AMMECR1: variants seen among roughly 807,000 people sequenced by gnomAD.
The protein encoded by AMMECR1 is nuclear protein AMMECR1.
Under a neutral mutation model 22.5 loss-of-function variants are expected in AMMECR1, and 3 were observed. The ratio of observed to expected loss-of-function variants is 0.13; its 90% CI spans 0.06 to 0.35. The LOEUF (loss-of-function observed/expected upper bound fraction) is 0.35, where lower values mean the gene tolerates loss of function less well. AMMECR1 is among the 10% of genes least tolerant of loss of function. The pLI is 1.00. For synonymous variants in AMMECR1, 130 were observed against 116.7 expected (o/e 1.11, Z -0.74); for missense variants, 235 against 278.7 (o/e 0.84, Z 1.12).
chrX:110,436,275 G>A (rs780212032), intron 1 of AMMECR1, among the ~76,000 whole-genome samples: 2 of 111,151 alleles, frequency 1.8e-5, no homozygotes, highest in South Asian at 3.9e-4. Context: ...TTCATTATGC[G>A]ACCCAGCTGT....
intron 2 of AMMECR1, among the ~76,000 whole-genome samples, chrX:110,245,739 C>A (rs762361876): frequency 5.4e-4 from 59 of 110,018 alleles, no homozygotes; most frequent in African/African-American, 1.9e-3. Flanking sequence ...TAATAAATGG[C>A]AGGATGTGAA....
chrX:110,363,981 T>C (rs2068280678), intron 2 of AMMECR1, among the ~76,000 whole-genome samples: 1 of 112,124 alleles, frequency 8.9e-6, no homozygotes, highest in South Asian at 3.7e-4. Context: ...TTTCTGTGAC[T>C]ACCATAACAA....
intron 3 of AMMECR1, 55 bp from the exon 4 acceptor site, chrX:110,202,591 A>C: frequency 1.2e-6 from 1 of 800,415 alleles, no homozygotes. Flanking sequence ...ATCAGAAAGA[A>C]AAGGTTATAA....
intron 2 of AMMECR1, among the ~76,000 whole-genome samples, chrX:110,377,355 C>T (rs1434453758): frequency 1.8e-5 from 2 of 111,661 alleles, no homozygotes; most frequent in Middle Eastern, 4.6e-3. Context: ...GCCAGAATAG[C>T]GAAACACCGA....
At chrX:110,231,646 G>T (rs906565902) in intron 2 of AMMECR1, among the ~76,000 whole-genome samples, 1 of 111,417 alleles carries the variant, frequency 9.0e-6, no homozygotes, top group African/African-American at 3.3e-5. Context: ...TAATGACAGG[G>T]TCAAATTCAC....
At chrX:110,382,202 A>G (rs897338354) in intron 2 of AMMECR1, among the ~76,000 whole-genome samples, 4 of 111,524 alleles carry the variant, frequency 3.6e-5, no homozygotes, top group Non-Finnish European at 7.5e-5. Context: ...GTGGAAAAAA[A>G]CAGAGGAAAC....
intron 1 of AMMECR1, among the ~76,000 whole-genome samples, chrX:110,317,384 C>T (rs2068054043): frequency 8.9e-6 from 1 of 111,912 alleles, no homozygotes; most frequent in African/African-American, 3.3e-5. Flanking sequence ...AGCCACGGGG[C>T]CATTCCTTGC....
intron 2 of AMMECR1, among the ~76,000 whole-genome samples, chrX:110,393,560 G>A (rs1433595680): frequency 3.6e-5 from 4 of 111,692 alleles, no homozygotes; most frequent in Non-Finnish European, 7.5e-5. Context: ...TGTGCTATTT[G>A]CCATATCATC....
intron 2 of AMMECR1, among the ~76,000 whole-genome samples, chrX:110,417,493 G>A (rs957098199): frequency 1.8e-5 from 2 of 111,282 alleles, no homozygotes; most frequent in African/African-American, 6.5e-5. Context: ...TTTTTTTTAT[G>A]CGATAAGCCC....
intron 3 of AMMECR1, among the ~76,000 whole-genome samples, chrX:110,212,477 C>G (rs1221495885): frequency 8.9e-6 from 1 of 111,892 alleles, no homozygotes; most frequent in Admixed American, 9.5e-5. Context: ...GTACTTCCAC[C>G]AGAAAAGTGC....
intron 2 of AMMECR1, among the ~76,000 whole-genome samples, chrX:110,254,151 G>A (rs1163319864): frequency 9.0e-6 from 1 of 110,899 alleles, no homozygotes; most frequent in Non-Finnish European, 1.9e-5. Context: ...TATTACATGC[G>A]CCATTTTGTC....
At chrX:110,328,165 A>G (rs1299272895) in intron 2 of AMMECR1, among the ~76,000 whole-genome samples, 2 of 112,343 alleles carry the variant, frequency 1.8e-5, no homozygotes, top group Non-Finnish European at 3.8e-5. Context: ...TACTTTGAGC[A>G]TAGCTTGGCT....
intron 2 of AMMECR1, among the ~76,000 whole-genome samples, chrX:110,416,518 A>G (rs1220946276): frequency 9.0e-6 from 1 of 110,904 alleles, no homozygotes; most frequent in Admixed American, 9.6e-5. Context: ...TCAGGCTAGC[A>G]TGTGACAGAG....
At chrX:110,211,240 T>C (rs1224920758) in intron 3 of AMMECR1, among the ~76,000 whole-genome samples, 1 of 112,560 alleles carries the variant, frequency 8.9e-6, no homozygotes, top group Non-Finnish European at 1.9e-5. Flanking sequence ...ATATTTTGAC[T>C]TCTGTCAGCA....
intron 4 of AMMECR1, among the ~76,000 whole-genome samples, chrX:110,201,288 C>T (rs1046773615): frequency 8.9e-6 from 1 of 112,070 alleles, no homozygotes; most frequent in African/African-American, 3.2e-5. Flanking sequence ...GCTCCTTTAT[C>T]TTCGCATTCG....
At chrX:110,434,728 TG>T in intron 1 of AMMECR1, among the ~76,000 whole-genome samples, 1 of 111,038 alleles carries the variant, frequency 9.0e-6, no homozygotes, top group Middle Eastern at 4.7e-3. Context: ...AGCAAGAAAC[TG>T]GGAATCTTGG....
At chrX:110,417,215 A>T (rs1180802357) in intron 2 of AMMECR1, among the ~76,000 whole-genome samples, 2 of 112,186 alleles carry the variant, frequency 1.8e-5, no homozygotes, top group African/African-American at 6.5e-5. Context: ...AGCCAGGCCT[A>T]GACAATGGCG....
At chrX:110,221,973 T>C (rs758409896) in intron 2 of AMMECR1, among the ~76,000 whole-genome samples, 3 of 109,024 alleles carry the variant, frequency 2.8e-5, no homozygotes, top group African/African-American at 1.0e-4. Context: ...TGTGGAGAAA[T>C]AGGAACCCTT....
intron 2 of AMMECR1, among the ~76,000 whole-genome samples, chrX:110,260,205 C>A (rs968753913): frequency 3.6e-5 from 4 of 111,512 alleles, no homozygotes; most frequent in Non-Finnish European, 7.5e-5. Flanking sequence ...TTACCCAGAT[C>A]CTTCAAGGTC....
Sources: gnomAD v4.1 joint callset for allele counts (sites outside exome capture counted in the v4.1 genomes callset) on GRCh38, gnomAD v4.1.1 for gene constraint, MANE v1.5 for transcripts, NCBI Gene and HGNC (gene_info 2026-07-23, HGNC 2026-07-21) for gene names.